Variants in AGBL4 observed in about 807,000 individuals in gnomAD.
AGBL4 encodes the protein cytosolic carboxypeptidase 6.
Under a neutral mutation model 66.4 loss-of-function variants are expected in AGBL4, and 58 were observed. The observed-to-expected ratio is 0.87, with a 90% CI of 0.71 to 1.09. The LOEUF is 1.09. AGBL4 is among the 50% of genes least tolerant of loss of function. The pLI is 0.00. For missense variants in AGBL4, 579 were observed against 631.0 expected (o/e 0.92, Z 0.88); for synonymous variants, 234 against 222.9 (o/e 1.05, Z -0.44).
chr1:49,762,600 G>A (rs1319829153), intron 2 of AGBL4, among the ~76,000 whole-genome samples: 1 of 152,012 alleles, frequency 6.6e-6, no homozygotes, highest in Non-Finnish European at 1.5e-5. Context: ...TTTTAGTAGA[G>A]ACGGCGTTTC....
intron 3 of AGBL4, among the ~76,000 whole-genome samples, chr1:49,348,828 A>G (rs1645692373): frequency 6.6e-6 from 1 of 152,260 alleles, no homozygotes; most frequent in Admixed American, 6.5e-5. Flanking sequence ...GGAATTTTAA[A>G]TAGTGTCCAG....
At chr1:49,935,095 C>A (rs1420462995) in intron 1 of AGBL4, among the ~76,000 whole-genome samples, 1 of 152,216 alleles carries the variant, frequency 6.6e-6, no homozygotes, top group East Asian at 1.9e-4. Context: ...AAAGGGGTGA[C>A]AGACAGCACC....
intron 4 of AGBL4, among the ~76,000 whole-genome samples, chr1:49,143,037 A>C (rs1377778974): frequency 2.6e-5 from 4 of 152,112 alleles, no homozygotes; most frequent in Non-Finnish European, 5.9e-5. Flanking sequence ...ACAGACTGGG[A>C]ATATACATTA....
At chr1:49,849,660 TCTAA>T (rs1263945559) in intron 2 of AGBL4, among the ~76,000 whole-genome samples, 1 of 152,058 alleles carries the variant, frequency 6.6e-6, no homozygotes, top group Admixed American at 6.6e-5. Context: ...CTAGCATAGA[TCTAA>T]CTGATACAAC....
chr1:49,224,951 T>C (rs12049328), intron 4 of AGBL4, among the ~76,000 whole-genome samples: 66,778 of 152,154 alleles, frequency 0.44, 17,109 homozygotes, highest in Non-Finnish European at 0.58. Context: ...TGTGTGCCCA[T>C]GTACAAATGA....
At chr1:49,505,256 G>A (rs976443270) in intron 3 of AGBL4, among the ~76,000 whole-genome samples, 10 of 151,906 alleles carry the variant, frequency 6.6e-5, no homozygotes, top group Non-Finnish European at 1.5e-4. Flanking sequence ...AGATATAAGT[G>A]ACTTAGAAAC....
chr1:48,567,825 G>T (rs1044668323), intron 11 of AGBL4, among the ~76,000 whole-genome samples: 1 of 152,124 alleles, frequency 6.6e-6, no homozygotes, highest in Admixed American at 6.5e-5. Context: ...GACTCTCCGA[G>T]AAATTTTTGA....
chr1:49,936,766 A>C (rs1219606353), intron 1 of AGBL4, among the ~76,000 whole-genome samples: 1 of 152,176 alleles, frequency 6.6e-6, no homozygotes, highest in Non-Finnish European at 1.5e-5. Context: ...GAGAAATAAA[A>C]TCCTTTACAG....
intron 5 of AGBL4, among the ~76,000 whole-genome samples, chr1:48,990,657 C>CT (rs1266115136): frequency 3.3e-5 from 5 of 151,752 alleles, no homozygotes; most frequent in African/African-American, 1.2e-4. Flanking sequence ...GTTTTGTGGT[C>CT]TTTTTTTCCT....
chr1:49,418,674 C>A (rs1018832311), intron 3 of AGBL4, among the ~76,000 whole-genome samples: 4 of 152,128 alleles, frequency 2.6e-5, no homozygotes, highest in South Asian at 2.1e-4. Context: ...TGTGATCCCC[C>A]CTGTGCTTAA....
At chr1:49,788,064 G>T (rs762557571) in intron 2 of AGBL4, among the ~76,000 whole-genome samples, 31 of 152,290 alleles carry the variant, frequency 2.0e-4, no homozygotes, top group Non-Finnish European at 3.7e-4. Context: ...ACACAAAAAG[G>T]ATCTTCTTGA....
intron 1 of AGBL4, among the ~76,000 whole-genome samples, chr1:49,956,137 T>C (rs1656586662): frequency 6.6e-6 from 1 of 151,898 alleles, no homozygotes; most frequent in South Asian, 2.1e-4. Flanking sequence ...AACATAAATA[T>C]GTTTATTTTA....
At chr1:49,459,795 A>G (rs2148696086) in intron 3 of AGBL4, among the ~76,000 whole-genome samples, 1 of 151,750 alleles carries the variant, frequency 6.6e-6, no homozygotes, top group South Asian at 2.1e-4. Flanking sequence ...GTAGGTATTT[A>G]TTGCTATGAA....
At chr1:48,792,467 T>C (rs1645574104) in intron 6 of AGBL4, among the ~76,000 whole-genome samples, 2 of 152,224 alleles carry the variant, frequency 1.3e-5, no homozygotes, top group African/African-American at 2.4e-5. Flanking sequence ...ATAAATGATG[T>C]AACACTTAAT....
At chr1:48,634,098 C>T (rs1645631839) in intron 9 of AGBL4, 1 of 155,584 alleles carries the variant, frequency 6.4e-6, no homozygotes, top group Admixed American at 6.5e-5. Context: ...AGTCAAGTTC[C>T]CTATGTGTAG....
chr1:49,843,506 A>G lies in AGBL4; in HGVS notation c.157+7890T>C, dbSNP rs373701696. On this transcript the variant is annotated intron_variant, in intron 2 of 13. Coordinates refer to ENST00000371839, the MANE Select transcript of AGBL4 (RefSeq NM_032785.4). ...ACATTCCTTGGCTATGGCCTTGTCC[A>G]TCTTCACAGTCAGTAAGGGGTGGTC... 2.8e-4 allele frequency among the ~76,000 whole-genome samples: 42 copies of G among 152,328 alleles called. No homozygotes were observed. In the South Asian group the frequency reaches 8.3e-3, roughly 30 times the overall value.
chr1:49,796,506 TAATTTAAATTTAAATTTAA>T (rs963352015), intron 2 of AGBL4, among the ~76,000 whole-genome samples: 19 of 151,150 alleles, frequency 1.3e-4, no homozygotes, highest in Non-Finnish European at 7.4e-5. Flanking sequence ...ATTAAATTTA[TAATTTAAATTTAAATTTAA>T]AATTTAATTT....
intron 3 of AGBL4, among the ~76,000 whole-genome samples, chr1:49,655,389 T>C (rs1646103679): frequency 1.3e-5 from 2 of 152,170 alleles, no homozygotes; most frequent in South Asian, 4.1e-4. Context: ...TCATTTCAGC[T>C]TTGGTGAATC....
intron 5 of AGBL4, among the ~76,000 whole-genome samples, chr1:48,948,474 A>T (rs1571072940): frequency 6.6e-6 from 1 of 152,300 alleles, no homozygotes; most frequent in South Asian, 2.1e-4. Context: ...TTTCTTCTGA[A>T]AACCCCAGTG....
Sources: allele counts gnomAD v4.1 joint callset (sites outside exome capture counted in the v4.1 genomes callset), GRCh38; gene constraint gnomAD v4.1.1; transcripts MANE v1.5; gene names NCBI Gene and HGNC (gene_info 2026-07-23, HGNC 2026-07-21).